GRID2: variants seen among roughly 807,000 people sequenced by gnomAD.
GRID2 encodes glutamate ionotropic receptor delta type subunit 2.
Under a neutral mutation model 114.8 loss-of-function variants are expected in GRID2, and 33 were observed. The ratio of observed to expected loss-of-function variants is 0.29; its 90% CI spans 0.22 to 0.38. The LOEUF (loss-of-function observed/expected upper bound fraction) is 0.38. Among genes scored for constraint, GRID2 ranks in the 10% least tolerant of loss-of-function variants. GRID2 has a pLI of 1.00. For synonymous variants in GRID2, 505 were observed against 449.9 expected, an observed-to-expected ratio of 1.12 and a Z score of -1.55; for missense variants, 1,184 against 1,257.7, an observed-to-expected ratio of 0.94 and a Z score of 0.89.
intron 1 of GRID2, among the ~76,000 whole-genome samples, chr4:92,555,536 A>T (rs78162871): frequency 0.22 from 33,801 of 152,084 alleles, 4,663 homozygotes; most frequent in African/African-American, 0.39. Context: ...GCTGGCATAC[A>T]TCATATCTTC....
intron 8 of GRID2, among the ~76,000 whole-genome samples, chr4:93,380,041 A>T (rs1473129787): frequency 6.6e-6 from 1 of 152,102 alleles, no homozygotes; most frequent in East Asian, 1.9e-4. Flanking sequence ...CGAAAAACAA[A>T]AAGTATGTCC....
At chr4:92,727,348 A>G (rs899540362) in intron 2 of GRID2, among the ~76,000 whole-genome samples, 1 of 152,126 alleles carries the variant, frequency 6.6e-6, no homozygotes, top group Admixed American at 6.6e-5. Flanking sequence ...TGTTAAGAAA[A>G]CAAATCAAAC....
chr4:92,943,216 A>G (rs966284301), intron 2 of GRID2, among the ~76,000 whole-genome samples: 3 of 152,100 alleles, frequency 2.0e-5, no homozygotes, highest in African/African-American at 7.2e-5. Flanking sequence ...CCAATCAGAC[A>G]TAGATTTGGT....
At chr4:93,569,541 G>A (rs1287429262) in intron 13 of GRID2, among the ~76,000 whole-genome samples, 2 of 152,088 alleles carry the variant, frequency 1.3e-5, no homozygotes, top group African/African-American at 2.4e-5. Flanking sequence ...CTGAGGGATC[G>A]TTTGAAAAGT....
At chr4:93,766,309 C>T (rs1733668423) in intron 14 of GRID2, among the ~76,000 whole-genome samples, 1 of 152,166 alleles carries the variant, frequency 6.6e-6, no homozygotes. Flanking sequence ...CCTCAGGAAA[C>T]TTACAATCAT....
intron 2 of GRID2, among the ~76,000 whole-genome samples, chr4:93,058,650 C>T (rs2149289948): frequency 6.6e-6 from 1 of 151,988 alleles, no homozygotes; most frequent in South Asian, 2.1e-4. Context: ...TAGAAAAGTT[C>T]TCCAAACTCT....
intron 1 of GRID2, among the ~76,000 whole-genome samples, chr4:92,438,442 C>T (rs1017559034): frequency 6.6e-6 from 1 of 151,908 alleles, no homozygotes; most frequent in African/African-American, 2.4e-5. Flanking sequence ...TAATATCTAA[C>T]ACCAATTTTC....
chr4:92,384,563 A>T (rs10019736), intron 1 of GRID2, among the ~76,000 whole-genome samples: 88 of 75,866 alleles, frequency 1.2e-3, no homozygotes, highest in Non-Finnish European at 1.7e-3. Flanking sequence ...TATTATATAT[A>T]ATATAATATA....
chr4:93,260,257 TTTAAA>T, intron 8 of GRID2, among the ~76,000 whole-genome samples: 1 of 151,732 alleles, frequency 6.6e-6, no homozygotes, highest in Non-Finnish European at 1.5e-5. Flanking sequence ...TCCTATATAG[TTTAAA>T]TTATTTTTGA....
chr4:93,776,927 T>G (rs2110347617), downstream of GRID2, among the ~76,000 whole-genome samples: 1 of 152,216 alleles, frequency 6.6e-6, no homozygotes, highest in Non-Finnish European at 1.5e-5. Flanking sequence ...ATCTAATGAG[T>G]CATGATAATT....
intron 14 of GRID2, among the ~76,000 whole-genome samples, chr4:93,728,972 T>C (rs1730217704): frequency 6.6e-6 from 1 of 152,208 alleles, no homozygotes; most frequent in African/African-American, 2.4e-5. Context: ...AATTGGAGCA[T>C]TTAGCCCATT....
chr4:92,422,292 C>T (rs529020328), intron 1 of GRID2, among the ~76,000 whole-genome samples: 184 of 152,096 alleles, frequency 1.2e-3, no homozygotes, highest in Middle Eastern at 3.4e-3. Flanking sequence ...GATTTAGAGA[C>T]CTTTCCAGGG....
At chr4:93,129,820 A>C (rs2149373712) in intron 4 of GRID2, among the ~76,000 whole-genome samples, 1 of 152,028 alleles carries the variant, frequency 6.6e-6, no homozygotes, top group Non-Finnish European at 1.5e-5. Context: ...ACCTTAAATT[A>C]GAACTTACAA....
At chr4:92,983,129 A>G (rs2149191000) in intron 2 of GRID2, among the ~76,000 whole-genome samples, 1 of 152,252 alleles carries the variant, frequency 6.6e-6, no homozygotes, top group South Asian at 2.1e-4. Context: ...AGAAGAGTGT[A>G]TCAATTAAAT....
intron 2 of GRID2, among the ~76,000 whole-genome samples, chr4:92,971,691 C>G (rs896022646): frequency 1.2e-4 from 18 of 152,002 alleles, no homozygotes; most frequent in African/African-American, 4.3e-4. Context: ...TCCCTACCCC[C>G]ACTCCTCCCA....
At chr4:92,766,501 C>A (rs1317457395) in intron 2 of GRID2, among the ~76,000 whole-genome samples, 2 of 133,314 alleles carry the variant, frequency 1.5e-5, no homozygotes, top group African/African-American at 2.9e-5. Context: ...AGTGCCACTG[C>A]ACTACAGCTT....
intron 1 of GRID2, among the ~76,000 whole-genome samples, chr4:93,802,942 C>G (rs1057136413): frequency 1.2e-4 from 19 of 152,152 alleles, no homozygotes; most frequent in African/African-American, 3.9e-4. Context: ...TGCAAAAGAT[C>G]GTAAGCGCAT....
At chr4:93,484,660 T>C (rs1374254546) in intron 11 of GRID2, among the ~76,000 whole-genome samples, 1 of 151,898 alleles carries the variant, frequency 6.6e-6, no homozygotes, top group African/African-American at 2.4e-5. Context: ...TGATTACAGC[T>C]CCACATTTGC....
chr4:93,677,355 C>T (rs1418730045), intron 14 of GRID2, among the ~76,000 whole-genome samples: 1 of 152,172 alleles, frequency 6.6e-6, no homozygotes, highest in Non-Finnish European at 1.5e-5. Context: ...GGGCAGGGCA[C>T]ACACAAACAA....
Sources: allele counts gnomAD v4.1 joint callset (sites outside exome capture counted in the v4.1 genomes callset), GRCh38; gene constraint gnomAD v4.1.1; transcripts MANE v1.5; gene names NCBI Gene and HGNC (gene_info 2026-07-23, HGNC 2026-07-21).